Variants in GPSM2 observed in about 807,000 individuals in gnomAD.
GPSM2 encodes G protein signaling modulator 2.
Under a neutral mutation model 78.4 loss-of-function variants are expected in GPSM2, and 58 were observed. The ratio of observed to expected loss-of-function variants is 0.74; its 90% confidence interval spans 0.60 to 0.92. The LOEUF is 0.92. Ranked by LOEUF, GPSM2 falls within the 40% of genes least tolerant of loss-of-function variation. GPSM2 has a pLI of 0.00. For missense variants in GPSM2, 700 were observed against 815.5 expected (o/e 0.86, Z 1.73); for synonymous variants, 224 against 280.2 (o/e 0.80, Z 2.00).
At chr1:108,917,298 T>C (rs935821867) in intron 11 of GPSM2, among the ~76,000 whole-genome samples, 3 of 152,008 alleles carry the variant, frequency 2.0e-5, no homozygotes, top group African/African-American at 7.2e-5. Flanking sequence ...CCGGGCGCAG[T>C]GGCTCACGCC....
chr1:108,911,356 C>T (rs1475026688), intron 10 of GPSM2, among the ~76,000 whole-genome samples: 5 of 152,064 alleles, frequency 3.3e-5, no homozygotes, highest in East Asian at 1.9e-4. Flanking sequence ...GGTGAGACCC[C>T]GTCTCTACTA....
chr1:108,907,714 CATTT>C (rs1649353602), intron 10 of GPSM2, among the ~76,000 whole-genome samples: 2 of 152,112 alleles, frequency 1.3e-5, no homozygotes. Context: ...TGTTTTAACT[CATTT>C]AATTGTAACA....
intron 9 of GPSM2, 67 bp from the exon 10 acceptor site, chr1:108,904,058 T>G (rs1049371405): frequency 9.1e-7 from 1 of 1,102,310 alleles, no homozygotes; most frequent in Non-Finnish European, 1.4e-6. Flanking sequence ...TTCACTACAT[T>G]TACAAATAAT....
At chr1:108,891,527 C>G (rs993909991) in intron 2 of GPSM2, among the ~76,000 whole-genome samples, 2 of 152,142 alleles carry the variant, frequency 1.3e-5, no homozygotes, top group South Asian at 4.1e-4. Flanking sequence ...TAGGGTCTGG[C>G]TCTGTCACCC....
chr1:108,929,590 C>A, intron 14 of GPSM2, 111 bp from the exon 15 acceptor site: 1 of 888,536 alleles, frequency 1.1e-6, no homozygotes, highest in Non-Finnish European at 1.9e-6. Flanking sequence ...TTCTGAGAAG[C>A]CCCAAATAAA....
intron 14 of GPSM2, chr1:108,929,363 TC>T (rs1340117101): frequency 3.2e-6 from 1 of 309,988 alleles, no homozygotes; most frequent in African/African-American, 2.2e-5. Flanking sequence ...CCTTGAACTG[TC>T]ATACTTAGAT....
intron 10 of GPSM2, among the ~76,000 whole-genome samples, chr1:108,913,186 T>C (rs1649898740): frequency 6.6e-6 from 1 of 152,204 alleles, no homozygotes; most frequent in Admixed American, 6.5e-5. Context: ...GTTTCACTCC[T>C]GTTGTGCTCC....
chr1:108,886,470 T>C (rs1647556199), intron 2 of GPSM2, among the ~76,000 whole-genome samples: 1 of 151,462 alleles, frequency 6.6e-6, no homozygotes, highest in African/African-American at 2.4e-5. Flanking sequence ...ACATGCATTC[T>C]CTCACAAGCT....
intron 10 of GPSM2, among the ~76,000 whole-genome samples, chr1:108,907,643 A>C (rs969010562): frequency 4.6e-5 from 7 of 152,260 alleles, no homozygotes; most frequent in Admixed American, 2.0e-4. Flanking sequence ...TAGACTGAAA[A>C]AAAAAGCTAA....
At chr1:108,922,992 T>C (rs1047406761) in intron 13 of GPSM2, among the ~76,000 whole-genome samples, 2 of 152,132 alleles carry the variant, frequency 1.3e-5, no homozygotes, top group Admixed American at 1.3e-4. Flanking sequence ...GGCAACATAG[T>C]TAGACCCTAT....
intron 2 of GPSM2, among the ~76,000 whole-genome samples, chr1:108,888,282 C>T (rs1027117286): frequency 6.6e-6 from 1 of 152,094 alleles, no homozygotes; most frequent in South Asian, 2.1e-4. Flanking sequence ...GAACTCCTGA[C>T]CTCGGGTGAT....
intron 11 of GPSM2, among the ~76,000 whole-genome samples, chr1:108,915,368 CAAAAAA>C: frequency 1.1e-5 from 1 of 91,150 alleles, no homozygotes; most frequent in East Asian, 4.9e-4. Context: ...AGACTTGTCT[CAAAAAA>C]AAAAAAAAAA....
chr1:108,882,285 G>A (rs551871788), intron 1 of GPSM2, among the ~76,000 whole-genome samples: 1 of 152,254 alleles, frequency 6.6e-6, no homozygotes, highest in African/African-American at 2.4e-5. Flanking sequence ...CAGTATCTGT[G>A]GGGAATTGGT....
chr1:108,929,590 C>G (rs1651541517), intron 14 of GPSM2, 111 bp from the exon 15 acceptor site: 1 of 888,418 alleles, frequency 1.1e-6, no homozygotes, highest in South Asian at 1.4e-5. Flanking sequence ...TTCTGAGAAG[C>G]CCCAAATAAA....
chr1:108,929,802 G>A lies in GPSM2; in HGVS notation c.1917G>A (p.Gln639=). The A allele has an allele frequency of 6.2e-7, 1 of 1,614,070 alleles. No individual in the cohort carries two copies. Among genetic ancestry groups the A allele is most frequent in the Non-Finnish European group, 8.5e-7 (1 of 1,179,976 alleles). ...EDFFSLILRS[Q]GKRMDEQRVL... ...TTTTCAGCCTTATTTTACGGTCCCAGGGAAAGAGAATGGATGAACAGAGAG... is the reference window on the plus strand; with the variant it reads ...TTTTCAGCCTTATTTTACGGTCCCAAGGAAAGAGAATGGATGAACAGAGAG... The change falls in exon 15 of 15, where the codon CAG becomes CAA. Residue 639 remains glutamine, a synonymous_variant. Coordinates refer to ENST00000264126, the MANE Select transcript of GPSM2 (RefSeq NM_013296.5).
intron 10 of GPSM2, among the ~76,000 whole-genome samples, chr1:108,906,883 G>C (rs556413397): frequency 3.3e-5 from 5 of 152,136 alleles, no homozygotes; most frequent in Non-Finnish European, 5.9e-5. Flanking sequence ...CGACCTCCTA[G>C]GCTGAAGTGA....
intron 2 of GPSM2, among the ~76,000 whole-genome samples, chr1:108,885,948 G>T (rs1032932579): frequency 6.6e-6 from 1 of 151,952 alleles, no homozygotes; most frequent in African/African-American, 2.4e-5. Flanking sequence ...AATTTAATGT[G>T]ATCTTTTAGA....
In GPSM2 at chr1:108,932,896, T is replaced by C. The variant is rs1652253417; in HGVS notation, c.*2956T>C. The C allele has an allele frequency of 6.6e-6, 1 of 152,220 alleles. No homozygotes were observed. The highest frequency in any genetic ancestry group is 2.4e-5 in the African/African-American group (1 of 41,454). The allele number at this position is 152,220 out of a possible 1,614,324, so 9.4% of individuals were successfully genotyped here. ...ATGTTTGCAATATTAAACTAGAATA[T>C]ATTAACATGTATAATTTTGAGACAA... is the stretch of plus-strand genomic sequence containing the variant. On this transcript the variant is annotated 3_prime_UTR_variant, in exon 15 of 15. Coordinates refer to ENST00000264126, the MANE Select transcript of GPSM2 (RefSeq NM_013296.5).
In GPSM2 at chr1:108,932,378, C is replaced by CAA. The variant is rs991414518; in HGVS notation, c.*2440_*2441dup. 20 of 152,286 alleles carry CAA rather than the reference C, an allele frequency of 1.3e-4. No homozygotes were observed. Among genetic ancestry groups the CAA allele is most frequent in the African/African-American group, 4.3e-4 (18 of 41,550 alleles). 9.4% of individuals were successfully genotyped at this position (152,286 alleles called of 1,614,324 possible). A position where few individuals can be genotyped will look rare whatever the true frequency, so the allele number is the denominator to read the frequency against. ...TCTCATCTCATCTCTTTTCTGATAA[C>CAA]AAACACCCGATGTGTTCAATTTGCT... On this transcript the variant is annotated 3_prime_UTR_variant, in exon 15 of 15. Coordinates refer to ENST00000264126, the MANE Select transcript of GPSM2 (RefSeq NM_013296.5).
Sources: gnomAD v4.1 joint callset for allele counts (sites outside exome capture counted in the v4.1 genomes callset) on GRCh38, gnomAD v4.1.1 for gene constraint, MANE v1.5 for transcripts, NCBI Gene and HGNC (gene_info 2026-07-23, HGNC 2026-07-21) for gene names.